Variants in CA10 observed in about 807,000 individuals in gnomAD.
CA10 encodes the protein carbonic anhydrase-related protein 10.
A neutral mutation model predicts 44.2 loss-of-function variants in CA10; 14 were observed. The ratio of observed to expected loss-of-function variants is 0.32; its 90% CI spans 0.21 to 0.50. The LOEUF (loss-of-function observed/expected upper bound fraction) is 0.50. Ranked by LOEUF, CA10 falls within the 20% of genes least tolerant of loss-of-function variation. The probability of loss-of-function intolerance (pLI) is 0.99; values close to 1 mark genes in which losing one functional copy is unlikely to be tolerated. For synonymous variants in CA10, 159 were observed against 141.6 expected (o/e 1.12, Z -0.87); for missense variants, 350 against 409.7 (o/e 0.85, Z 1.26).
chr17:51,855,047 T>G (rs771411618), intron 3 of CA10, among the ~76,000 whole-genome samples: 1 of 152,132 alleles, frequency 6.6e-6, no homozygotes, highest in Non-Finnish European at 1.5e-5. Context: ...GTGCAAAACC[T>G]GATAGGAAGA....
chr17:51,890,029 C>T (rs535046500), intron 3 of CA10, among the ~76,000 whole-genome samples: 7 of 152,220 alleles, frequency 4.6e-5, no homozygotes, highest in African/African-American at 1.7e-4. Context: ...GCTCAATTCA[C>T]TTAGTTTTCT....
chr17:51,658,138 A>G (rs1462303083), intron 4 of CA10, among the ~76,000 whole-genome samples: 1 of 152,206 alleles, frequency 6.6e-6, no homozygotes, highest in African/African-American at 2.4e-5. Context: ...TGGTGCCATG[A>G]TGCAGTGCAT....
intron 2 of CA10, among the ~76,000 whole-genome samples, chr17:51,994,534 G>T (rs1423759383): frequency 6.6e-6 from 1 of 151,972 alleles, no homozygotes; most frequent in Non-Finnish European, 1.5e-5. Flanking sequence ...GGAGAGGTAG[G>T]CTGGAAGGCT....
At chr17:51,642,432 G>T (rs934988152) in intron 6 of CA10, among the ~76,000 whole-genome samples, 7 of 152,124 alleles carry the variant, frequency 4.6e-5, no homozygotes, top group Non-Finnish European at 1.0e-4. Flanking sequence ...ATCTGTCCTT[G>T]CCTACACATG....
chr17:51,802,096 T>C (rs1032044160), intron 3 of CA10, among the ~76,000 whole-genome samples: 1 of 152,216 alleles, frequency 6.6e-6, no homozygotes, highest in Non-Finnish European at 1.5e-5. Flanking sequence ...TGAATGATTC[T>C]GAGGCTGCTT....
intron 4 of CA10, among the ~76,000 whole-genome samples, chr17:51,659,186 G>A (rs1913908754): frequency 6.6e-6 from 1 of 152,168 alleles, no homozygotes; most frequent in African/African-American, 2.4e-5. Context: ...CCAATCTATT[G>A]CAGGTATGAA....
At chr17:51,937,296 C>T (rs1184929261) in intron 2 of CA10, among the ~76,000 whole-genome samples, 1 of 152,178 alleles carries the variant, frequency 6.6e-6, no homozygotes, top group Non-Finnish European at 1.5e-5. Flanking sequence ...TTTACTGTCT[C>T]TTCCTCTCTT....
intron 2 of CA10, among the ~76,000 whole-genome samples, chr17:52,029,638 C>T (rs1160598094): frequency 5.3e-5 from 8 of 151,998 alleles, no homozygotes; most frequent in Non-Finnish European, 1.2e-4. Context: ...GGAAGATCAG[C>T]GAGACATAAA....
chr17:51,895,226 C>T (rs1183868673), intron 3 of CA10, among the ~76,000 whole-genome samples: 5 of 151,988 alleles, frequency 3.3e-5, no homozygotes, highest in African/African-American at 1.2e-4. Context: ...AATTAAAAGT[C>T]AAGTTCAGAA....
chr17:51,715,292 A>G lies in CA10; in HGVS notation c.465+32341T>C, dbSNP rs1916069368. On this transcript the variant is annotated intron_variant, in intron 4 of 8. Coordinates refer to ENST00000451037, the MANE Select transcript of CA10 (RefSeq NM_020178.5). The stretch of plus-strand genomic sequence containing the variant: ...AATGACGAGTTAATGGGTGCAGCAC[A>G]CCAACATGGCACACGTATACATATG... Among the ~76,000 whole-genome samples the G allele has an allele frequency of 2.0e-5, 3 of 152,118 alleles. No individual in the cohort carries two copies. The South Asian group carries it at 6.2e-4, about 32-fold the overall frequency.
chr17:52,062,766 G>T (rs2143099179), intron 2 of CA10, among the ~76,000 whole-genome samples: 1 of 152,354 alleles, frequency 6.6e-6, no homozygotes. Context: ...GTAGATTTCA[G>T]AGGATGTATT....
intron 3 of CA10, among the ~76,000 whole-genome samples, chr17:51,858,786 G>A (rs1040148398): frequency 2.6e-5 from 4 of 152,114 alleles, no homozygotes; most frequent in African/African-American, 9.7e-5. Context: ...TAATTTCAGT[G>A]GCTAGTGAAG....
intron 2 of CA10, among the ~76,000 whole-genome samples, chr17:51,978,355 C>T (rs997951454): frequency 2.6e-5 from 4 of 151,176 alleles, no homozygotes; most frequent in African/African-American, 9.7e-5. Context: ...TCCATGCTTA[C>T]ATACTCATAT....
At chr17:51,837,414 G>A (rs1027277462) in intron 3 of CA10, among the ~76,000 whole-genome samples, 6 of 152,180 alleles carry the variant, frequency 3.9e-5, no homozygotes, top group Non-Finnish European at 7.3e-5. Flanking sequence ...GATGGATTAA[G>A]TACATAAAAT....
intron 2 of CA10, among the ~76,000 whole-genome samples, chr17:52,065,375 G>A (rs1987506445): frequency 1.3e-5 from 2 of 152,142 alleles, no homozygotes; most frequent in Admixed American, 1.3e-4. Context: ...CTTTCACTCT[G>A]TCTCCCGAGT....
intron 2 of CA10, among the ~76,000 whole-genome samples, chr17:51,963,302 T>C (rs1260715158): frequency 1.3e-5 from 2 of 152,112 alleles, no homozygotes; most frequent in Admixed American, 6.6e-5. Flanking sequence ...TTGGCATTCC[T>C]GAGAGAGAAG....
Position 51,837,264 on chromosome 17 carries a change from C to T in CA10, c.280-89446G>A, listed in dbSNP as rs192699342. ...TTTGCACAGCTTTCCTTTGCAAGTC[C>T]GGTGTCCAGAAAATATGAACCTCCT... On this transcript the variant is annotated intron_variant, in intron 3 of 8. Transcript: ENST00000451037. 2.5e-4 allele frequency among the ~76,000 whole-genome samples: 38 copies of T among 152,246 alleles called. No homozygotes were observed. In the East Asian group the frequency reaches 6.2e-3, roughly 25 times the overall value.
intron 2 of CA10, among the ~76,000 whole-genome samples, chr17:52,052,879 G>A (rs752845542): frequency 5.9e-5 from 9 of 152,030 alleles, no homozygotes; most frequent in Middle Eastern, 3.4e-3. Flanking sequence ...TATTGAAACC[G>A]TGTAAAGGGC....
chr17:52,040,220 G>T (rs1986731678), intron 2 of CA10, among the ~76,000 whole-genome samples: 1 of 151,164 alleles, frequency 6.6e-6, no homozygotes, highest in African/African-American at 2.4e-5. Flanking sequence ...TCCCCTGGAG[G>T]AAAGACATGG....
Sources: gnomAD v4.1 joint callset for allele counts (sites outside exome capture counted in the v4.1 genomes callset) on GRCh38, gnomAD v4.1.1 for gene constraint, MANE v1.5 for transcripts, NCBI Gene and HGNC (gene_info 2026-07-23, HGNC 2026-07-21) for gene names.